ARB2A: variants seen among roughly 807,000 people sequenced by gnomAD.
ARB2A encodes the protein cotranscriptional regulator ARB2A.
the ARB2A span, among the ~76,000 whole-genome samples, chr5:93,687,998 G>C: frequency 6.7e-6 from 1 of 150,280 alleles, no homozygotes; most frequent in Non-Finnish European, 1.5e-5. Context: ...CTTTGAGATA[G>C]AGTCTTGCTC....
the ARB2A span, among the ~76,000 whole-genome samples, chr5:93,700,046 TAGAA>T: frequency 1.7e-4 from 26 of 152,174 alleles, no homozygotes; most frequent in Non-Finnish European, 2.9e-4. Flanking sequence ...GTGAAATTCT[TAGAA>T]AGACATAAAC....
the ARB2A span, among the ~76,000 whole-genome samples, chr5:93,728,445 A>G: frequency 1.3e-5 from 2 of 152,062 alleles, no homozygotes; most frequent in Non-Finnish European, 2.9e-5. Context: ...CTTTTACTTA[A>G]GAGATTGTCT....
At chr5:93,650,809 C>T in the ARB2A span, among the ~76,000 whole-genome samples, 1 of 149,330 alleles carries the variant, frequency 6.7e-6, no homozygotes, top group Admixed American at 6.7e-5. Flanking sequence ...GGTAACATAG[C>T]GAGACCTTTC....
At chr5:93,867,179 T>C in the ARB2A span, among the ~76,000 whole-genome samples, 1 of 152,230 alleles carries the variant, frequency 6.6e-6, no homozygotes, top group Non-Finnish European at 1.5e-5. Context: ...ATCTATTACA[T>C]ACCTCTGAAA....
At chr5:93,923,276 G>A in the ARB2A span, among the ~76,000 whole-genome samples, 5 of 152,016 alleles carry the variant, frequency 3.3e-5, no homozygotes, top group African/African-American at 7.2e-5. Context: ...AACTGTTTAC[G>A]TTATCAGTAA....
the ARB2A span, among the ~76,000 whole-genome samples, chr5:93,832,936 T>A: frequency 6.6e-6 from 1 of 152,152 alleles, no homozygotes; most frequent in Admixed American, 6.6e-5. Flanking sequence ...ATGCAGAAAT[T>A]GAACTAGTTA....
chr5:94,099,498 C>T, the ARB2A span, among the ~76,000 whole-genome samples: 75 of 151,778 alleles, frequency 4.9e-4, no homozygotes, highest in African/African-American at 1.6e-3. Flanking sequence ...GTGGTGGGCG[C>T]CTGTGGTCCC....
chr5:93,887,264 A>T, the ARB2A span, among the ~76,000 whole-genome samples: 5 of 151,500 alleles, frequency 3.3e-5, no homozygotes, highest in Non-Finnish European at 7.4e-5. Context: ...GATAAAAAAA[A>T]AAAAAAGAAA....
chr5:93,838,742 T>C, the ARB2A span, among the ~76,000 whole-genome samples: 7 of 152,276 alleles, frequency 4.6e-5, no homozygotes, highest in South Asian at 6.2e-4. Context: ...GTAATTCTCA[T>C]TGGGGAGACC....
the ARB2A span, among the ~76,000 whole-genome samples, chr5:93,779,090 A>AGTGTGTGTGTGT: frequency 4.9e-3 from 708 of 143,436 alleles, 5 homozygotes; most frequent in African/African-American, 0.011. Context: ...GTCATTTCAG[A>AGTGTGTGTGTGT]GTGTGTGTGT....
the ARB2A span, among the ~76,000 whole-genome samples, chr5:93,961,301 T>C: frequency 6.6e-6 from 1 of 152,172 alleles, no homozygotes; most frequent in Non-Finnish European, 1.5e-5. Context: ...GTCTCTTTTT[T>C]CCTATTTGAC....
the ARB2A span, among the ~76,000 whole-genome samples, chr5:93,912,725 T>C: frequency 6.6e-6 from 1 of 152,012 alleles, no homozygotes; most frequent in Non-Finnish European, 1.5e-5. Flanking sequence ...TAAAATTTCA[T>C]AGTATACTTT....
chr5:93,824,656 A>G, the ARB2A span, among the ~76,000 whole-genome samples: 1 of 151,942 alleles, frequency 6.6e-6, no homozygotes, highest in Non-Finnish European at 1.5e-5. Context: ...GCCCTTAAAC[A>G]TTTTTTAAGA....
the ARB2A span, among the ~76,000 whole-genome samples, chr5:94,103,589 C>T: frequency 1.3e-5 from 2 of 151,820 alleles, no homozygotes; most frequent in Admixed American, 1.3e-4. Flanking sequence ...ACCTTGACAC[C>T]CACTGACAGT....
the ARB2A span, among the ~76,000 whole-genome samples, chr5:93,893,336 A>T: frequency 1.3e-5 from 2 of 152,156 alleles, no homozygotes; most frequent in Non-Finnish European, 2.9e-5. Flanking sequence ...ACCTGAAGAA[A>T]ATGTTGCCCC....
At chr5:93,770,413 C>G in the ARB2A span, among the ~76,000 whole-genome samples, 1 of 152,166 alleles carries the variant, frequency 6.6e-6, no homozygotes, top group Non-Finnish European at 1.5e-5. Context: ...GGGATGCCCC[C>G]TCTCACCACT....
the ARB2A span, among the ~76,000 whole-genome samples, chr5:93,630,802 G>A: frequency 6.6e-6 from 1 of 152,130 alleles, no homozygotes; most frequent in Non-Finnish European, 1.5e-5. Context: ...AGCCAGGCGC[G>A]ATGGCATGCA....
chr5:94,054,510 T>C, the ARB2A span, among the ~76,000 whole-genome samples: 1 of 152,180 alleles, frequency 6.6e-6, no homozygotes, highest in Non-Finnish European at 1.5e-5. Context: ...TCAACTGCCA[T>C]TCTCAACAGA....
the ARB2A span, chr5:93,784,560 T>C: frequency 8.1e-7 from 1 of 1,231,550 alleles, no homozygotes; most frequent in Middle Eastern, 1.9e-4. Flanking sequence ...GGGTGCAGCC[T>C]GCTTAGTCAG....
Sources: gnomAD v4.1 joint callset for allele counts (sites outside exome capture counted in the v4.1 genomes callset) on GRCh38, gnomAD v4.1.1 for gene constraint, MANE v1.5 for transcripts, NCBI Gene and HGNC (gene_info 2026-07-23, HGNC 2026-07-21) for gene names.